The following ASTN1 variants were observed in gnomAD, a reference collection of about 807,000 sequenced individuals.
ASTN1 encodes the protein astrotactin-1.
ASTN1 carries 41 observed loss-of-function variants against 140.7 expected under a neutral mutation model. The ratio of observed to expected loss-of-function variants is 0.29; its 90% CI spans 0.23 to 0.38. The LOEUF is 0.38. ASTN1 is among the 10% of genes least tolerant of loss of function. The pLI, the probability that ASTN1 is intolerant of heterozygous loss-of-function variation, is 1.00. For synonymous variants in ASTN1, 640 were observed against 652.2 expected (o/e 0.98, Z 0.29); for missense variants, 1,479 against 1,678.8 (o/e 0.88, Z 2.08).
intron 2 of ASTN1, among the ~76,000 whole-genome samples, chr1:177,057,933 C>G (rs1056269158): frequency 3.9e-5 from 6 of 152,168 alleles, no homozygotes; most frequent in African/African-American, 1.4e-4. Flanking sequence ...AAGTCTACCA[C>G]CACTTGAGTC....
intron 1 of ASTN1, among the ~76,000 whole-genome samples, chr1:177,063,440 C>T (rs982952829): frequency 2.6e-5 from 4 of 152,082 alleles, no homozygotes; most frequent in African/African-American, 9.7e-5. Flanking sequence ...ATCCCCTGAA[C>T]CCCAGTCCTG....
At chr1:177,122,616 C>A (rs1681457016) in intron 1 of ASTN1, among the ~76,000 whole-genome samples, 1 of 152,160 alleles carries the variant, frequency 6.6e-6, no homozygotes, top group Non-Finnish European at 1.5e-5. Context: ...GGCGACAGTC[C>A]CGTCCTGGCA....
At chr1:176,895,343 T>G (rs1375538172) in intron 16 of ASTN1, among the ~76,000 whole-genome samples, 2 of 152,200 alleles carry the variant, frequency 1.3e-5, no homozygotes, top group African/African-American at 4.8e-5. Flanking sequence ...GTGAGATCCA[T>G]TCAAGGTCTA....
chr1:177,081,135 A>T (rs1432668387), intron 1 of ASTN1, among the ~76,000 whole-genome samples: 2 of 152,194 alleles, frequency 1.3e-5, no homozygotes, highest in African/African-American at 4.8e-5. Context: ...TGGTGGTACC[A>T]CTCTAAAAGC....
At chr1:177,098,431 A>G (rs937873791) in intron 1 of ASTN1, among the ~76,000 whole-genome samples, 19 of 152,152 alleles carry the variant, frequency 1.2e-4, no homozygotes, top group Non-Finnish European at 2.1e-4. Flanking sequence ...ACACTTAGCA[A>G]AGCTGACATG....
Position 176,861,558 on chromosome 1 carries a change from G to T in ASTN1, c.*2726C>A. 1 of 985,706 alleles carries T rather than the reference G, an allele frequency of 1.0e-6. No homozygotes were observed. The highest frequency in any genetic ancestry group is 1.2e-6 in the Non-Finnish European group (1 of 829,944). The allele number at this position is 985,706 out of a possible 1,614,324, so 61.1% of individuals were successfully genotyped here. A position where few individuals can be genotyped will look rare whatever the true frequency, so the allele number is the denominator to read the frequency against. ...GTTGAGATCAATAGTGTCTTCCAAG[G>T]GGAAAAAATCCTCCAGTCAATTGTA... On this transcript the variant is annotated 3_prime_UTR_variant, in exon 23 of 23. Transcript: ENST00000361833.
In ASTN1 at chr1:176,876,525, G is replaced by T. The variant is rs747471104; in HGVS notation, c.3463+12C>A. 6.2e-7 allele frequency: 1 copy of T among 1,613,548 alleles called. No individual in the cohort carries two copies. Among genetic ancestry groups the T allele is most frequent in the Non-Finnish European group, 8.5e-7 (1 of 1,179,608 alleles). ...TCCCTTCAGAAACACTGCTAACTTC[G>T]ATGTCTCTTACCTTGAGCCTTGACA... On this transcript the variant is annotated intron_variant, in intron 21 of 22. Coordinates refer to ENST00000361833, the MANE Select transcript of ASTN1 (RefSeq NM_004319.3).
intron 21 of ASTN1, among the ~76,000 whole-genome samples, chr1:176,870,923 C>A (rs4652197): frequency 6.6e-6 from 1 of 152,064 alleles, no homozygotes; most frequent in Non-Finnish European, 1.5e-5. Flanking sequence ...TACGAATGTG[C>A]CTGTTTTATA....
At chr1:176,904,787 C>T (rs1184206408) in intron 16 of ASTN1, among the ~76,000 whole-genome samples, 1 of 152,174 alleles carries the variant, frequency 6.6e-6, no homozygotes, top group African/African-American at 2.4e-5. Flanking sequence ...GCCCAGGACA[C>T]GGCAACTGTG....
Position 176,944,155 on chromosome 1 carries a change from G to A in ASTN1, c.2250-137C>T, listed in dbSNP as rs940820054. 33 of 1,141,466 alleles carry A rather than the reference G, an allele frequency of 2.9e-5. No individual in the cohort carries two copies. The African/African-American group carries it at 3.3e-4, about 12-fold the overall frequency. 70.7% of individuals were successfully genotyped at this position (1,141,466 alleles called of 1,614,324 possible). ...TGCAATGGCAGGATCTCAGCTCACC[G>A]CAACCTCTGCCTCCAGGGTTCAAGC... On this transcript the variant is annotated intron_variant, in intron 13 of 22. Transcript: ENST00000361833.
intron 5 of ASTN1, among the ~76,000 whole-genome samples, chr1:177,028,035 C>A (rs148063315): frequency 6.6e-6 from 1 of 152,062 alleles, no homozygotes; most frequent in African/African-American, 2.4e-5. Context: ...GCATCTGTTA[C>A]AGGAAAAATC....
intron 2 of ASTN1, among the ~76,000 whole-genome samples, chr1:177,040,236 G>A (rs1360459222): frequency 6.6e-6 from 1 of 152,176 alleles, no homozygotes; most frequent in Non-Finnish European, 1.5e-5. Context: ...CTCCTCTTGG[G>A]GGTTTTCTGA....
chr1:176,865,936 C>T (rs1292096483), intron 22 of ASTN1, among the ~76,000 whole-genome samples: 3 of 152,164 alleles, frequency 2.0e-5, no homozygotes, highest in South Asian at 2.1e-4. Context: ...TTCACTATCA[C>T]AAGGATAGCA....
At chr1:177,041,044 T>C (rs1676945855) in intron 2 of ASTN1, among the ~76,000 whole-genome samples, 1 of 152,236 alleles carries the variant, frequency 6.6e-6, no homozygotes, top group South Asian at 2.1e-4. Context: ...CATTAGTAGC[T>C]ACAGTTACCT....
At chr1:176,988,425 T>C (rs1193390714) in intron 8 of ASTN1, among the ~76,000 whole-genome samples, 1 of 152,194 alleles carries the variant, frequency 6.6e-6, no homozygotes, top group Non-Finnish European at 1.5e-5. Flanking sequence ...TTTGGGTTAT[T>C]TGCAAATTAA....
intron 1 of ASTN1, among the ~76,000 whole-genome samples, chr1:177,141,076 C>T (rs978102418): frequency 6.6e-6 from 1 of 152,038 alleles, no homozygotes; most frequent in African/African-American, 2.4e-5. Flanking sequence ...ATTAGCCGGA[C>T]GTGGTGGCAG....
chr1:177,072,466 G>GACCTC (rs749249023), intron 1 of ASTN1, among the ~76,000 whole-genome samples: 1 of 152,140 alleles, frequency 6.6e-6, no homozygotes, highest in Non-Finnish European at 1.5e-5. Flanking sequence ...GGGTTAAGAT[G>GACCTC]ACCTCTAAAT....
rs754373611 is a variant in ASTN1 at position 177,068,018 on chromosome 1, C to T, written c.284-6753G>A. 5.9e-5 allele frequency among the ~76,000 whole-genome samples: 9 copies of T among 152,170 alleles called. No homozygotes were observed. In the South Asian group the frequency reaches 1.2e-3, roughly 21 times the overall value. Reference sequence around the variant, plus strand: ...GCCACAGAAAACAGGACACCCTGCTCGGCCTGAAGTCAGCCAGCACAGATG... The same window carrying T: ...GCCACAGAAAACAGGACACCCTGCTTGGCCTGAAGTCAGCCAGCACAGATG... On this transcript the variant is annotated intron_variant, in intron 1 of 22. Transcript: ENST00000361833.
intron 7 of ASTN1, among the ~76,000 whole-genome samples, chr1:177,016,319 A>AAG (rs1675545906): frequency 6.6e-6 from 1 of 151,546 alleles, no homozygotes; most frequent in African/African-American, 2.4e-5. Context: ...TTTGTAAAAA[A>AAG]AAAAAAAAAA....
Sources: allele counts gnomAD v4.1 joint callset (sites outside exome capture counted in the v4.1 genomes callset), GRCh38; gene constraint gnomAD v4.1.1; transcripts MANE v1.5; gene names NCBI Gene and HGNC (gene_info 2026-07-23, HGNC 2026-07-21).